Variants in IMPA2 observed in about 807,000 individuals in gnomAD.
IMPA2 encodes the protein IMP 2.
In IMPA2, 32 loss-of-function variants were observed where a neutral mutation model predicts 35.1. The ratio of observed to expected loss-of-function variants is 0.91; its 90% CI spans 0.69 to 1.23. IMPA2 has a LOEUF of 1.23. Ranked by LOEUF, IMPA2 falls within the 50% of genes most tolerant of loss-of-function variation. The pLI is 0.00. For synonymous variants in IMPA2, 135 were observed against 160.6 expected (o/e 0.84, Z 1.20); for missense variants, 334 against 387.6 (o/e 0.86, Z 1.16).
At chr18:12,004,224 G>A (rs1031112402) in intron 2 of IMPA2, among the ~76,000 whole-genome samples, 1 of 152,172 alleles carries the variant, frequency 6.6e-6, no homozygotes, top group South Asian at 2.1e-4. Context: ...GGACAGCAGG[G>A]ATGATCCTGA....
At chr18:12,026,248 G>A (rs1907879769) in intron 5 of IMPA2, among the ~76,000 whole-genome samples, 1 of 151,838 alleles carries the variant, frequency 6.6e-6, no homozygotes, top group Admixed American at 6.6e-5. Flanking sequence ...GGTCAGGCTG[G>A]TCTTGAACTC....
intron 1 of IMPA2, among the ~76,000 whole-genome samples, chr18:11,998,235 C>T (rs1907014914): frequency 6.6e-6 from 1 of 152,218 alleles, no homozygotes; most frequent in South Asian, 2.1e-4. Context: ...CAGAACTGGT[C>T]CCTCTGGAGT....
chr18:12,028,683 C>G, intron 6 of IMPA2, 159 bp from the exon 7 acceptor site: 1 of 841,548 alleles, frequency 1.2e-6, no homozygotes, highest in Non-Finnish European at 1.9e-6. Context: ...GTTGGTGGCT[C>G]CAGGCCCTAT....
intron 1 of IMPA2, among the ~76,000 whole-genome samples, chr18:11,989,908 G>A (rs1189427533): frequency 6.6e-6 from 1 of 152,220 alleles, no homozygotes; most frequent in Non-Finnish European, 1.5e-5. Context: ...CTGCTAGTGA[G>A]ATACAGGCCC....
chr18:12,006,257 T>G (rs1386601349), intron 2 of IMPA2, among the ~76,000 whole-genome samples: 1 of 152,220 alleles, frequency 6.6e-6, no homozygotes, highest in African/African-American at 2.4e-5. Context: ...CTGCCCCGGC[T>G]GCCATTGTGG....
At chr18:12,027,968 AC>A (rs1907928482) in intron 5 of IMPA2, 74 bp from the exon 6 acceptor site, 1 of 874,634 alleles carries the variant, frequency 1.1e-6, no homozygotes, top group East Asian at 2.4e-5. Flanking sequence ...AGAAAGGCTC[AC>A]GTTGGAAGCC....
In IMPA2 at chr18:12,004,805, G is replaced by A. The variant is rs551270161; in HGVS notation, c.231-5078G>A. Among the ~76,000 whole-genome samples, 84 of 152,252 alleles carry A rather than the reference G, an allele frequency of 5.5e-4. 1 individual carries two copies. Among genetic ancestry groups the A allele is most frequent in the African/African-American group, 1.0e-3 (42 of 41,556 alleles). ...CTCCCAAAGTGCTGGGATTACAGGCGTGAGCCACCGTGCCCTGCCTATATT... is the reference window on the plus strand; with the variant it reads ...CTCCCAAAGTGCTGGGATTACAGGCATGAGCCACCGTGCCCTGCCTATATT... On this transcript the variant is annotated intron_variant, in intron 2 of 7. Transcript: ENST00000269159.
At chr18:12,008,630 T>C (rs1436463068) in intron 2 of IMPA2, 1 of 448,628 alleles carries the variant, frequency 2.2e-6, no homozygotes, top group Non-Finnish European at 4.5e-6. Context: ...ATCTTCCCTG[T>C]GTGTGTGGGC....
chr18:12,014,427 A>C, intron 5 of IMPA2, 54 bp downstream of exon 5: 1 of 1,102,298 alleles, frequency 9.1e-7, no homozygotes, highest in Non-Finnish European at 1.3e-6. Context: ...GTGTGAAAGG[A>C]GAATGCCAAA....
chr18:12,027,780 C>T (rs1000324168), intron 5 of IMPA2, among the ~76,000 whole-genome samples: 8 of 151,192 alleles, frequency 5.3e-5, no homozygotes, highest in Admixed American at 2.0e-4. Flanking sequence ...TGGAGTCTCA[C>T]CATCTTGCCC....
At chr18:12,012,474 G>A in intron 4 of IMPA2, 2 of 509,634 alleles carry the variant, frequency 3.9e-6, no homozygotes, top group Non-Finnish European at 7.0e-6. Context: ...GTCTATTTGT[G>A]ACACTGCTGT....
chr18:12,016,999 A>C (rs1907596298), intron 5 of IMPA2, among the ~76,000 whole-genome samples: 1 of 152,090 alleles, frequency 6.6e-6, no homozygotes, highest in Non-Finnish European at 1.5e-5. Flanking sequence ...TCATTAAAAC[A>C]AGCACCACTA....
chr18:11,995,026 T>A (rs1240468537), intron 1 of IMPA2: 2 of 151,614 alleles, frequency 1.3e-5, no homozygotes, highest in Non-Finnish European at 2.9e-5. Flanking sequence ...GACAGGGCCA[T>A]GGCATTCTCA....
chr18:12,007,667 C>CTTTCTT (rs1555645767), intron 2 of IMPA2, among the ~76,000 whole-genome samples: 24 of 98,562 alleles, frequency 2.4e-4, no homozygotes, highest in Non-Finnish European at 3.1e-4. Flanking sequence ...TTCTTTCTTT[C>CTTTCTT]TTTCTTTCTT....
chr18:12,005,926 C>G (rs929132802), intron 2 of IMPA2, among the ~76,000 whole-genome samples: 2 of 152,192 alleles, frequency 1.3e-5, no homozygotes, highest in African/African-American at 2.4e-5. Flanking sequence ...TACCTTTGTG[C>G]CTGAGTCATT....
chr18:12,028,728 C>T, intron 6 of IMPA2, 114 bp from the exon 7 acceptor site: 1 of 1,241,498 alleles, frequency 8.1e-7, no homozygotes, highest in Non-Finnish European at 1.1e-6. Flanking sequence ...AAGTGCTGTG[C>T]TTCATTTTTC....
intron 5 of IMPA2, among the ~76,000 whole-genome samples, chr18:12,016,045 CG>C (rs746447812): frequency 1.3e-5 from 2 of 152,144 alleles, no homozygotes; most frequent in Non-Finnish European, 2.9e-5. Context: ...CTGGTAATTT[CG>C]TAGAATGAAG....
At chr18:11,989,002 A>G (rs1906738599) in intron 1 of IMPA2, among the ~76,000 whole-genome samples, 1 of 151,950 alleles carries the variant, frequency 6.6e-6, no homozygotes, top group South Asian at 2.1e-4. Flanking sequence ...GTATTTTTTA[A>G]TTTTTTGTAC....
At position 12,010,021 on chromosome 18, in the gene IMPA2, C is replaced by A; in HGVS notation, c.335+34C>A. ...AGCAGGGATCGCCTCCATTGCAGGG[C>A]TTAACATGTCCTCTTCTGTGAGGTT... is the stretch of plus-strand genomic sequence containing the variant. On this transcript the variant is annotated intron_variant, in intron 3 of 7. Coordinates refer to ENST00000269159, the MANE Select transcript of IMPA2 (RefSeq NM_014214.3). The surrounding 1 kb of genome is among the most constrained non-coding windows in gnomAD (Gnocchi z 4.8). 1 of 1,477,690 alleles carries A rather than the reference C, an allele frequency of 6.8e-7. No individual in the cohort carries two copies. 91.5% of individuals were successfully genotyped at this position (1,477,690 alleles called of 1,614,324 possible).
Sources: allele counts gnomAD v4.1 joint callset (sites outside exome capture counted in the v4.1 genomes callset), GRCh38; gene constraint gnomAD v4.1.1; non-coding constraint Gnocchi (gnomAD v3.1); transcripts MANE v1.5; gene names NCBI Gene and HGNC (gene_info 2026-07-23, HGNC 2026-07-21).